ARHGAP15: variants seen among roughly 807,000 people sequenced by gnomAD.
ARHGAP15 encodes rho GTPase-activating protein 15.
Under a neutral mutation model 63.7 loss-of-function variants are expected in ARHGAP15, and 51 were observed. That is an observed-to-expected ratio of 0.80 (90% confidence interval 0.64 to 1.01). The LOEUF (loss-of-function observed/expected upper bound fraction) is 1.01. ARHGAP15 is among the 50% of genes least tolerant of loss of function. The pLI is 0.00. For missense variants in ARHGAP15, 560 were observed against 564.6 expected, an observed-to-expected ratio of 0.99 and a Z score of 0.08; for synonymous variants, 191 against 193.8, an observed-to-expected ratio of 0.99 and a Z score of 0.12.
At chr2:143,709,857 G>T (rs1684498826) in intron 13 of ARHGAP15, among the ~76,000 whole-genome samples, 1 of 152,188 alleles carries the variant, frequency 6.6e-6, no homozygotes, top group Non-Finnish European at 1.5e-5. Context: ...TTGGTGGGGA[G>T]AAATTAGATA....
At chr2:143,462,757 CTAGTAAGATG>C (rs1691008039) in intron 8 of ARHGAP15, among the ~76,000 whole-genome samples, 2 of 152,040 alleles carry the variant, frequency 1.3e-5, no homozygotes, top group South Asian at 4.2e-4. Context: ...AGTACTACTA[CTAGTAAGATG>C]TAGTAAGATG....
At chr2:143,182,255 T>C (rs144593776) in intron 2 of ARHGAP15, among the ~76,000 whole-genome samples, 20 of 152,270 alleles carry the variant, frequency 1.3e-4, no homozygotes, top group African/African-American at 4.8e-4. Context: ...GATATGCAAC[T>C]CTTCTTTTCA....
rs74861483 is a variant in ARHGAP15, at chr2:143,198,846, T to A, written c.166-3288T>A. ...ATTTACTTGCTACTTCTCTAACACT[T>A]AAGACTTGAGTTTCTTTACTTTCCA... On this transcript the variant is annotated intron_variant, in intron 2 of 13. Transcript: ENST00000295095. Among the ~76,000 whole-genome samples the A allele has an allele frequency of 8.6e-3, 1,317 of 152,258 alleles. 25 individuals are homozygous for A. Among genetic ancestry groups the A allele is most frequent in the African/African-American group, 0.03 (1,249 of 41,566 alleles).
chr2:143,765,102 CT>C (rs960953992), intron 13 of ARHGAP15, among the ~76,000 whole-genome samples: 2 of 131,964 alleles, frequency 1.5e-5, no homozygotes, highest in African/African-American at 6.7e-5. Context: ...ATATTTGCCT[CT>C]AAAATATGTG....
At chr2:143,143,224 G>A (rs1213835783) in intron 1 of ARHGAP15, among the ~76,000 whole-genome samples, 1 of 152,012 alleles carries the variant, frequency 6.6e-6, no homozygotes, top group Non-Finnish European at 1.5e-5. Context: ...CCCCCAGATA[G>A]CTCCTATATT....
At chr2:143,156,594 G>A (rs1690089582) in intron 2 of ARHGAP15, among the ~76,000 whole-genome samples, 1 of 151,850 alleles carries the variant, frequency 6.6e-6, no homozygotes, top group Non-Finnish European at 1.5e-5. Context: ...TTGCTGAGTA[G>A]CATGTTACCA....
intron 8 of ARHGAP15, among the ~76,000 whole-genome samples, chr2:143,459,923 A>G (rs188007628): frequency 9.2e-5 from 14 of 152,274 alleles, no homozygotes; most frequent in African/African-American, 2.9e-4. Flanking sequence ...TGGGAGAGGG[A>G]TACAAAACTT....
chr2:143,762,499 A>T (rs1686795141), intron 13 of ARHGAP15, among the ~76,000 whole-genome samples: 1 of 152,200 alleles, frequency 6.6e-6, no homozygotes, highest in Non-Finnish European at 1.5e-5. Flanking sequence ...CTGACTTCTG[A>T]GTTAGCTGCT....
intron 11 of ARHGAP15, among the ~76,000 whole-genome samples, chr2:143,602,450 G>T (rs1002435389): frequency 6.6e-6 from 1 of 152,178 alleles, no homozygotes; most frequent in Admixed American, 6.5e-5. Context: ...GCAAGGAGGG[G>T]AGGACAGGAG....
intron 1 of ARHGAP15, among the ~76,000 whole-genome samples, chr2:143,143,796 T>G (rs1473658885): frequency 6.6e-6 from 1 of 151,870 alleles, no homozygotes; most frequent in African/African-American, 2.4e-5. Flanking sequence ...CAGGGATATA[T>G]GTGAAGATTT....
intron 12 of ARHGAP15, among the ~76,000 whole-genome samples, chr2:143,686,804 T>G (rs1683373252): frequency 6.6e-6 from 1 of 152,160 alleles, no homozygotes. Context: ...TGTTTCAAAT[T>G]AGTGGTCCAT....
intron 12 of ARHGAP15, among the ~76,000 whole-genome samples, chr2:143,701,218 A>G (rs73961841): frequency 2.1e-3 from 320 of 152,218 alleles, no homozygotes; most frequent in African/African-American, 7.4e-3. Context: ...TCTGCAGGAT[A>G]TTTTCCTGTA....
chr2:143,346,199 CT>C (rs1685273775), intron 6 of ARHGAP15, among the ~76,000 whole-genome samples: 1 of 143,374 alleles, frequency 7.0e-6, no homozygotes, highest in South Asian at 2.2e-4. Flanking sequence ...CACACTCTCT[CT>C]CTCACACACA....
intron 12 of ARHGAP15, among the ~76,000 whole-genome samples, chr2:143,652,364 C>T (rs2105301870): frequency 6.6e-6 from 1 of 152,148 alleles, no homozygotes; most frequent in South Asian, 2.1e-4. Flanking sequence ...AAGAAGGCAA[C>T]AAGCTGGAAG....
intron 6 of ARHGAP15, among the ~76,000 whole-genome samples, chr2:143,339,346 A>C (rs1443307909): frequency 6.6e-6 from 1 of 152,148 alleles, no homozygotes; most frequent in Non-Finnish European, 1.5e-5. Context: ...TAGGTAACAC[A>C]CTGAGCCAGA....
chr2:143,684,891 C>T (rs75087931), intron 12 of ARHGAP15, among the ~76,000 whole-genome samples: 10 of 152,166 alleles, frequency 6.6e-5, no homozygotes, highest in East Asian at 1.9e-4. Context: ...GCCATCTGTC[C>T]GAAGAGAGAC....
intron 11 of ARHGAP15, among the ~76,000 whole-genome samples, chr2:143,622,691 C>G (rs1352807692): frequency 6.8e-6 from 1 of 146,698 alleles, no homozygotes; most frequent in Non-Finnish European, 1.5e-5. Flanking sequence ...CTGAAATAAA[C>G]AGATTCACCT....
chr2:143,683,536 TGAA>T (rs1683198512), intron 12 of ARHGAP15, among the ~76,000 whole-genome samples: 1 of 152,188 alleles, frequency 6.6e-6, no homozygotes, highest in South Asian at 2.1e-4. Context: ...GCTGCATTCC[TGAA>T]GAAGAACATT....
intron 11 of ARHGAP15, among the ~76,000 whole-genome samples, chr2:143,557,054 G>A (rs760512417): frequency 9.2e-5 from 14 of 152,046 alleles, no homozygotes; most frequent in Admixed American, 2.6e-4. Flanking sequence ...GCGGAAGTGC[G>A]AAATGATTGA....
Sources: allele counts gnomAD v4.1 joint callset (sites outside exome capture counted in the v4.1 genomes callset), GRCh38; gene constraint gnomAD v4.1.1; transcripts MANE v1.5; gene names NCBI Gene and HGNC (gene_info 2026-07-23, HGNC 2026-07-21).